The following STMN1 variants were observed in gnomAD, a reference collection of about 807,000 sequenced individuals.
STMN1 encodes the protein stathmin.
STMN1 carries 3 observed loss-of-function variants against 19.7 expected under a neutral mutation model. The observed-to-expected ratio is 0.15, with a 90% confidence interval of 0.07 to 0.39. The LOEUF is 0.39. Among genes scored for constraint, STMN1 ranks in the 10% least tolerant of loss-of-function variants. The pLI is 1.00. For synonymous variants in STMN1, 59 were observed against 58.9 expected (o/e 1.00, Z -0.01); for missense variants, 99 against 176.0 (o/e 0.56, Z 2.48).
At chr1:25,894,486 C>A (rs1034507129) in intron 4 of STMN1, among the ~76,000 whole-genome samples, 1 of 152,140 alleles carries the variant, frequency 6.6e-6, no homozygotes, top group Non-Finnish European at 1.5e-5. Flanking sequence ...TCGAGACCGG[C>A]CTGGGCAACA....
chr1:25,900,542 C>T lies in STMN1; in HGVS notation c.*474G>A. 1 of 986,092 alleles carries T rather than the reference C, an allele frequency of 1.0e-6. No individual in the cohort carries two copies. Among genetic ancestry groups the T allele is most frequent in the Non-Finnish European group, 1.2e-6 (1 of 830,124 alleles). 61.1% of individuals were successfully genotyped at this position (986,092 alleles called of 1,614,324 possible). ...GGGCTCTATGGCTTGATTTATTAAC[C>T]TAACTCAAAAGAAGTCACTGCCACC... is the stretch of plus-strand genomic sequence containing the variant. On this transcript the variant is annotated 3_prime_UTR_variant, in exon 5 of 5. Coordinates refer to ENST00000455785, the MANE Select transcript of STMN1 (RefSeq NM_005563.4).
chr1:25,895,907 G>A (rs528467854), downstream of STMN1, among the ~76,000 whole-genome samples: 3 of 152,304 alleles, frequency 2.0e-5, no homozygotes, highest in East Asian at 1.9e-4. Context: ...GTCCGCAAAG[G>A]ATGAGGACAA....
chr1:25,892,569 G>A (rs967897255), intron 4 of STMN1: 1 of 985,248 alleles, frequency 1.0e-6, no homozygotes, highest in Non-Finnish European at 1.2e-6. Flanking sequence ...GAGCCGCTGA[G>A]CCGCTGAGGG....
intron 4 of STMN1, among the ~76,000 whole-genome samples, chr1:25,892,797 G>A (rs565600694): frequency 3.3e-5 from 5 of 152,224 alleles, no homozygotes; most frequent in Non-Finnish European, 4.4e-5. Flanking sequence ...TTTCTAGCCC[G>A]GGTGGGAGCC....
At position 25,901,574 on chromosome 1, in the gene STMN1, C is replaced by A; in HGVS notation, c.295G>T (p.Glu99Ter). Residue 99 changes from glutamate to a stop codon, truncating the protein, a stop_gained, in exon 4 of 5, where the codon GAG becomes TAG. Coordinates refer to ENST00000455785, the MANE Select transcript of STMN1 (RefSeq NM_005563.4). LOFTEE classifies it high-confidence loss of function. ...ENNNFSKMAE[E>*]KLTHKMEANK... Reference sequence around the variant, plus strand: ...GCTTCCATTTTGTGGGTCAGTTTCTCTTCTGCCATTTTACTGAAGTTGTTG... The same window carrying A: ...GCTTCCATTTTGTGGGTCAGTTTCTATTCTGCCATTTTACTGAAGTTGTTG... The A allele has an allele frequency of 6.2e-7, 1 of 1,614,122 alleles. No individual in the cohort carries two copies. Among genetic ancestry groups the A allele is most frequent in the Non-Finnish European group, 8.5e-7 (1 of 1,180,002 alleles).
downstream of STMN1, among the ~76,000 whole-genome samples, chr1:25,899,707 C>T (rs1221470342): frequency 2.0e-5 from 3 of 152,124 alleles, no homozygotes; most frequent in Non-Finnish European, 2.9e-5. Flanking sequence ...TGCCACAAAC[C>T]CATTTAATCC....
chr1:25,895,099 C>CTTTTTT (rs34587140), intron 4 of STMN1, among the ~76,000 whole-genome samples: 3 of 113,404 alleles, frequency 2.6e-5, no homozygotes, highest in African/African-American at 9.5e-5. Context: ...TATTATACGT[C>CTTTTTT]TTTTTTTTTT....
chr1:25,905,551 C>T (rs373523369), intron 1 of STMN1: 1 of 152,292 alleles, frequency 6.6e-6, no homozygotes, highest in African/African-American at 2.4e-5. Context: ...GCCTTGCGCT[C>T]CGGCCCCTGG....
chr1:25,887,858 T>C (rs1033984506), intron 4 of STMN1, among the ~76,000 whole-genome samples: 5 of 152,218 alleles, frequency 3.3e-5, no homozygotes, highest in African/African-American at 1.2e-4. Flanking sequence ...GGCTAATTTT[T>C]GTATTTTTAA....
Position 25,900,773 on chromosome 1 carries a change from G to A in STMN1, c.*243C>T, listed in dbSNP as rs931863022. 7.6e-7 allele frequency: 1 copy of A among 1,322,190 alleles called. No homozygotes were observed. Among genetic ancestry groups the A allele is most frequent in the African/African-American group, 1.5e-5 (1 of 67,074 alleles). The allele number at this position is 1,322,190 out of a possible 1,614,324, so 81.9% of individuals were successfully genotyped here. A position where few individuals can be genotyped will look rare whatever the true frequency, so the allele number is the denominator to read the frequency against. The stretch of plus-strand genomic sequence containing the variant: ...ACACCAAGTGTACTGAAGTAGAAAA[G>A]ATGCAACAAGAAAAATAGCTACATT... On this transcript the variant is annotated 3_prime_UTR_variant, in exon 5 of 5. Coordinates refer to ENST00000455785, the MANE Select transcript of STMN1 (RefSeq NM_005563.4).
At chr1:25,905,769 CG>C (rs1367399073) in intron 1 of STMN1, 2 of 152,216 alleles carry the variant, frequency 1.3e-5, no homozygotes, top group East Asian at 3.9e-4. Context: ...CACAGTTCAG[CG>C]GGTGGGGCAG....
intron 2 of STMN1, 116 bp downstream of exon 2, chr1:25,904,548 A>G: frequency 9.6e-6 from 8 of 831,808 alleles, no homozygotes. Flanking sequence ...CTATTCATAA[A>G]ATAGGTTTTG....
intron 2 of STMN1, among the ~76,000 whole-genome samples, chr1:25,904,069 G>A (rs1003231301): frequency 6.6e-6 from 1 of 152,064 alleles, no homozygotes; most frequent in African/African-American, 2.4e-5. Flanking sequence ...TCCCAGCACC[G>A]TGGGAGGCCA....
At chr1:25,891,068 C>T (rs911141279) in intron 4 of STMN1, among the ~76,000 whole-genome samples, 1 of 152,156 alleles carries the variant, frequency 6.6e-6, no homozygotes, top group African/African-American at 2.4e-5. Context: ...CACAGCAGCT[C>T]ATGTCTGTAA....
intron 4 of STMN1, among the ~76,000 whole-genome samples, chr1:25,893,910 G>C (rs1293208049): frequency 6.6e-6 from 1 of 152,198 alleles, no homozygotes; most frequent in African/African-American, 2.4e-5. Flanking sequence ...TAACCACAGG[G>C]AGTCATGGGG....
At chr1:25,906,454 C>G (rs1043097086), upstream of STMN1, 28 of 154,178 alleles carry the variant, frequency 1.8e-4, no homozygotes, top group African/African-American at 6.7e-4. This position sits in a 1 kb window ranked among gnomAD's most constrained non-coding sequence, Gnocchi z 4.5. Flanking sequence ...ACAAAAGCGC[C>G]AAACAGAGGC....
chr1:25,897,241 A>G (rs1324058269), downstream of STMN1, among the ~76,000 whole-genome samples: 2 of 147,150 alleles, frequency 1.4e-5, no homozygotes, highest in African/African-American at 2.5e-5. Flanking sequence ...TGAACTGGGG[A>G]GGCGGAGGTT....
At chr1:25,901,165 C>T in intron 4 of STMN1, 78 bp from the exon 5 acceptor site, 1 of 1,568,164 alleles carries the variant, frequency 6.4e-7, no homozygotes, top group Non-Finnish European at 8.6e-7. Context: ...ACCCCCAGCC[C>T]CCACCTCAAA....
Position 25,900,898 on chromosome 1 carries a change from C to T in STMN1, c.*118G>A, listed in dbSNP as rs2048864324. ...CAGTCTGGATCTGGATCTACCTATA[C>T]AGTCCTACATTAGCTTCTAAAATAT... On this transcript the variant is annotated 3_prime_UTR_variant, in exon 5 of 5. Coordinates refer to ENST00000455785, the MANE Select transcript of STMN1 (RefSeq NM_005563.4). The T allele has an allele frequency of 1.3e-6, 2 of 1,559,492 alleles. No homozygotes were observed. Among genetic ancestry groups the T allele is most frequent in the African/African-American group, 1.4e-5 (1 of 72,842 alleles).
Sources: allele counts gnomAD v4.1 joint callset (sites outside exome capture counted in the v4.1 genomes callset), GRCh38; gene constraint gnomAD v4.1.1; non-coding constraint Gnocchi (gnomAD v3.1); transcripts MANE v1.5; gene names NCBI Gene and HGNC (gene_info 2026-07-23, HGNC 2026-07-21).